Variants in ELMO1 observed in about 807,000 individuals in gnomAD.
ELMO1 encodes engulfment and cell motility protein 1.
A neutral mutation model predicts 98.9 loss-of-function variants in ELMO1; 26 were observed. That is an observed-to-expected ratio of 0.26 (90% confidence interval 0.19 to 0.36). The LOEUF is 0.36. Among genes scored for constraint, ELMO1 ranks in the 10% least tolerant of loss-of-function variants. ELMO1 has a pLI of 1.00. For synonymous variants in ELMO1, 346 were observed against 346.0 expected (o/e 1.00, Z 0.00); for missense variants, 627 against 935.2 (o/e 0.67, Z 4.30).
intron 16 of ELMO1, chr7:36,919,297 G>A (rs925637020): frequency 9.4e-5 from 47 of 499,294 alleles, no homozygotes; most frequent in Middle Eastern, 3.3e-4. Context: ...ATATAGCATC[G>A]TGTGAGTCTC....
chr7:36,926,050 T>A (rs1054628678), intron 16 of ELMO1, among the ~76,000 whole-genome samples: 1 of 152,180 alleles, frequency 6.6e-6, no homozygotes, highest in African/African-American at 2.4e-5. Flanking sequence ...CCCCTTCATC[T>A]TCATTCTTCC....
chr7:37,169,638 G>C (rs1790008010), intron 13 of ELMO1, among the ~76,000 whole-genome samples: 1 of 152,190 alleles, frequency 6.6e-6, no homozygotes, highest in Non-Finnish European at 1.5e-5. Context: ...AAAATTTCAA[G>C]CTTTTGCTTT....
intron 13 of ELMO1, among the ~76,000 whole-genome samples, chr7:37,138,263 G>C (rs1787391665): frequency 6.8e-6 from 1 of 146,374 alleles, no homozygotes; most frequent in South Asian, 2.2e-4. Flanking sequence ...AAATACAAAA[G>C]ATAAATGAAA....
chr7:37,292,183 C>T (rs1797727601), intron 4 of ELMO1, among the ~76,000 whole-genome samples: 1 of 117,562 alleles, frequency 8.5e-6, no homozygotes, highest in Admixed American at 8.4e-5. Flanking sequence ...CTCCTAACCG[C>T]GAGTGATCCG....
chr7:36,870,453 G>A lies in ELMO1; in HGVS notation c.1845C>T (p.Ala615=), dbSNP rs150917015. ...QDKLPVADIK[A]VVTGKDCPHM... is the part of the protein sequence containing the mutation. ...GAGGGCAGTCCTTTCCCGTCACCAC[G>A]GCTTTGATATCTGCCACCGGCACTG... Residue 615 remains alanine, a synonymous_variant, in exon 20 of 22, where the codon GCC becomes GCT. Transcript: ENST00000310758. The surrounding 1 kb of genome is among the most constrained non-coding windows in gnomAD (Gnocchi z 4.4). 3.2e-4 allele frequency: 513 copies of A among 1,613,958 alleles called. No individual in the cohort carries two copies. The highest frequency in any genetic ancestry group is 3.4e-4 in the Non-Finnish European group (406 of 1,179,962).
At chr7:37,073,094 T>C (rs557804779) in intron 15 of ELMO1, among the ~76,000 whole-genome samples, 11 of 152,320 alleles carry the variant, frequency 7.2e-5, no homozygotes, top group Admixed American at 4.6e-4. Flanking sequence ...AAGTAAAACA[T>C]TAAAAATGAA....
intron 16 of ELMO1, among the ~76,000 whole-genome samples, chr7:36,904,063 C>T (rs1783783309): frequency 6.6e-6 from 1 of 152,134 alleles, no homozygotes; most frequent in Non-Finnish European, 1.5e-5. Flanking sequence ...TGTGTAGGGA[C>T]CTGCTTTAGC....
At chr7:36,929,796 G>A (rs1377495294) in intron 16 of ELMO1, among the ~76,000 whole-genome samples, 3 of 152,162 alleles carry the variant, frequency 2.0e-5, no homozygotes, top group African/African-American at 7.2e-5. Flanking sequence ...AAATGCACTT[G>A]AAAACCATTA....
At chr7:36,872,611 A>T (rs999172224) in intron 19 of ELMO1, among the ~76,000 whole-genome samples, 2 of 152,090 alleles carry the variant, frequency 1.3e-5, no homozygotes, top group Non-Finnish European at 2.9e-5. Flanking sequence ...TTGACCATGA[A>T]CACTGACTTC....
intron 13 of ELMO1, among the ~76,000 whole-genome samples, chr7:37,201,572 C>T (rs1792296440): frequency 6.6e-6 from 1 of 152,224 alleles, no homozygotes; most frequent in Non-Finnish European, 1.5e-5. Context: ...GCTTCTAGTT[C>T]CTACCGGGTC....
chr7:36,989,948 A>C (rs1047499284), intron 16 of ELMO1, among the ~76,000 whole-genome samples: 2 of 152,194 alleles, frequency 1.3e-5, no homozygotes, highest in East Asian at 1.9e-4. Context: ...GTAAACAGAT[A>C]ATTTTATATT....
chr7:36,982,969 C>T (rs1791198344), intron 16 of ELMO1, among the ~76,000 whole-genome samples: 2 of 152,220 alleles, frequency 1.3e-5, no homozygotes, highest in South Asian at 4.1e-4. Flanking sequence ...CTCCCCTGCT[C>T]ACAAGGTCTT....
At chr7:37,366,741 A>C (rs1025571774) in intron 1 of ELMO1, among the ~76,000 whole-genome samples, 6 of 152,198 alleles carry the variant, frequency 3.9e-5, no homozygotes. Context: ...AGCCAGGCCA[A>C]CTTCAGCAAT....
Position 37,140,385 on chromosome 7 carries a change from C to CA in ELMO1, c.1087-7152dup, listed in dbSNP as rs549057573. On this transcript the variant is annotated intron_variant, in intron 13 of 21. Transcript: ENST00000310758. Reference sequence around the variant, plus strand: ...TGGGCGACAGAGTGAGACTCCGTCTCAAAAAAAAAAAAGACTTACATCTAA... The same window carrying CA: ...TGGGCGACAGAGTGAGACTCCGTCTCAAAAAAAAAAAAAGACTTACATCTAA... Among the ~76,000 whole-genome samples, 510 of 129,040 alleles carry CA rather than the reference C, an allele frequency of 4.0e-3. 3 individuals carry two copies. Among genetic ancestry groups the CA allele is most frequent in the South Asian group, 0.026 (102 of 3,968 alleles). The allele number at this position is 129,040 out of a possible 152,430, so 84.7% of individuals were successfully genotyped here. A position where few individuals can be genotyped will look rare whatever the true frequency, so the allele number is the denominator to read the frequency against.
At chr7:37,113,885 T>C (rs983468677) in intron 14 of ELMO1, among the ~76,000 whole-genome samples, 2 of 152,138 alleles carry the variant, frequency 1.3e-5, no homozygotes, top group African/African-American at 4.8e-5. Context: ...AAGGGAGGCC[T>C]CAGAGACACC....
intron 1 of ELMO1, among the ~76,000 whole-genome samples, chr7:37,345,987 TA>T (rs554672695): frequency 0.026 from 2,981 of 114,444 alleles, 34 homozygotes; most frequent in South Asian, 0.043. Context: ...AGACTCCATC[TA>T]AAAAAAAAAA....
intron 1 of ELMO1, among the ~76,000 whole-genome samples, chr7:37,401,753 T>C (rs951539085): frequency 2.6e-5 from 4 of 152,138 alleles, no homozygotes; most frequent in African/African-American, 9.7e-5. Context: ...TACCTCCTAG[T>C]AGGTCCCTCG....
At chr7:37,442,181 T>TA (rs977267567) in intron 1 of ELMO1, among the ~76,000 whole-genome samples, 1 of 152,126 alleles carries the variant, frequency 6.6e-6, no homozygotes, top group Non-Finnish European at 1.5e-5. Context: ...GGACAGCCCT[T>TA]ACAACAAAGG....
At chr7:37,106,819 T>C (rs17150853) in intron 14 of ELMO1, among the ~76,000 whole-genome samples, 3,508 of 152,290 alleles carry the variant, frequency 0.023, 133 homozygotes, top group African/African-American at 0.08. Flanking sequence ...ACATTGTAAA[T>C]TACTTTGCAG....
Sources: allele counts gnomAD v4.1 joint callset (sites outside exome capture counted in the v4.1 genomes callset), GRCh38; gene constraint gnomAD v4.1.1; non-coding constraint Gnocchi (gnomAD v3.1); transcripts MANE v1.5; gene names NCBI Gene and HGNC (gene_info 2026-07-23, HGNC 2026-07-21).